ATF6: variants seen among roughly 807,000 people sequenced by gnomAD.
ATF6 encodes the protein activating transcription factor 6.
Under a neutral mutation model 83.6 loss-of-function variants are expected in ATF6, and 53 were observed. That is an observed-to-expected ratio of 0.63 (90% CI 0.51 to 0.80). The LOEUF (loss-of-function observed/expected upper bound fraction) is 0.80. Ranked by LOEUF, ATF6 falls within the 30% of genes least tolerant of loss-of-function variation. The pLI, the probability that ATF6 is intolerant of heterozygous loss-of-function variation, is 0.00. For missense variants in ATF6, 744 were observed against 797.9 expected (o/e 0.93, Z 0.81); for synonymous variants, 288 against 285.8 (o/e 1.01, Z -0.08).
chr1:161,853,543 G>A (rs1340007439), intron 12 of ATF6, among the ~76,000 whole-genome samples: 1 of 152,158 alleles, frequency 6.6e-6, no homozygotes, highest in African/African-American at 2.4e-5. Context: ...CCCTGATCAG[G>A]CATCGTGCTA....
intron 7 of ATF6, among the ~76,000 whole-genome samples, chr1:161,816,895 A>G (rs1164257008): frequency 6.6e-6 from 1 of 152,192 alleles, no homozygotes; most frequent in Non-Finnish European, 1.5e-5. Flanking sequence ...AATAATTTAA[A>G]TATTTTATAT....
At chr1:161,927,130 C>G (rs1298528040) in intron 15 of ATF6, among the ~76,000 whole-genome samples, 1 of 151,826 alleles carries the variant, frequency 6.6e-6, no homozygotes, top group African/African-American at 2.4e-5. Context: ...AAATCTTAGA[C>G]CCCAGAGAAA....
In ATF6 at chr1:161,903,607, T is replaced by A. The variant is rs570842252; in HGVS notation, c.1720-8689T>A. ...CCTCAAACTTTTTGGTCCCTTTTTT[T>A]AAAAAAAAAATTATTGAACACTTAT... On this transcript the variant is annotated intron_variant, in intron 14 of 15. Coordinates refer to ENST00000367942, the MANE Select transcript of ATF6 (RefSeq NM_007348.4). Among the ~76,000 whole-genome samples the A allele has an allele frequency of 2.5e-3, 377 of 150,878 alleles. 4 individuals are homozygous for A. Among genetic ancestry groups the A allele is most frequent in the African/African-American group, 8.6e-3 (355 of 41,218 alleles).
At chr1:161,881,220 G>T (rs138996610) in intron 14 of ATF6, among the ~76,000 whole-genome samples, 6 of 152,168 alleles carry the variant, frequency 3.9e-5, no homozygotes, top group South Asian at 2.1e-4. Context: ...GCATAGATTT[G>T]CTGGGTCTTC....
rs376258885 is a variant in ATF6 at position 161,815,635 on chromosome 1, T to C, written c.910-3998T>C. The stretch of plus-strand genomic sequence containing the variant: ...TTTATCAATCAATAAGGTTTTTAGT[T>C]TTAAAAACCTTATTGATTGATAATT... On this transcript the variant is annotated intron_variant, in intron 7 of 15. Coordinates refer to ENST00000367942, the MANE Select transcript of ATF6 (RefSeq NM_007348.4). Among the ~76,000 whole-genome samples the C allele has an allele frequency of 7.0e-4, 107 of 152,202 alleles. 6 individuals are homozygous for C. The South Asian group carries it at 0.022, about 31-fold the overall frequency.
chr1:161,813,627 T>C (rs1685529213), intron 7 of ATF6, among the ~76,000 whole-genome samples: 1 of 152,248 alleles, frequency 6.6e-6, no homozygotes, highest in Admixed American at 6.5e-5. Context: ...CTGTGGTGAT[T>C]TACTAAATTG....
At position 161,847,951 on chromosome 1, in the gene ATF6, A is replaced by G. The variant is rs887730239; in HGVS notation, c.1319+1371A>G. Among the ~76,000 whole-genome samples, 5 of 152,126 alleles carry G rather than the reference A, an allele frequency of 3.3e-5. No individual in the cohort carries two copies. The East Asian group carries it at 7.7e-4, about 23-fold the overall frequency. Reference sequence around the variant, plus strand: ...TAAGATAACATGGTGGCTCCCAGAAAGCATAGTAGTCTGATCATACTAGTT... The same window carrying G: ...TAAGATAACATGGTGGCTCCCAGAAGGCATAGTAGTCTGATCATACTAGTT... On this transcript the variant is annotated intron_variant, in intron 10 of 15. Coordinates refer to ENST00000367942, the MANE Select transcript of ATF6 (RefSeq NM_007348.4).
At chr1:161,943,466 A>G (rs191772327) in intron 15 of ATF6, among the ~76,000 whole-genome samples, 77 of 152,314 alleles carry the variant, frequency 5.1e-4, no homozygotes, top group East Asian at 1.7e-3. Flanking sequence ...GTATTTCTTC[A>G]TAGCAGTGTG....
intron 7 of ATF6, among the ~76,000 whole-genome samples, chr1:161,806,739 G>A (rs956848048): frequency 6.6e-6 from 1 of 152,012 alleles, no homozygotes; most frequent in Non-Finnish European, 1.5e-5. Context: ...CCCTGTCTTG[G>A]GTTCCTAGAG....
At chr1:161,819,909 T>C (rs1685710050) in intron 8 of ATF6, 91 bp downstream of exon 8, 2 of 1,195,568 alleles carry the variant, frequency 1.7e-6, no homozygotes, top group Non-Finnish European at 2.2e-6. Flanking sequence ...AATTAAATTA[T>C]GTAAAATAAT....
At chr1:161,897,565 G>A (rs1328604898) in intron 14 of ATF6, among the ~76,000 whole-genome samples, 2 of 152,184 alleles carry the variant, frequency 1.3e-5, no homozygotes, top group African/African-American at 2.4e-5. Flanking sequence ...AATAAAAGGG[G>A]AAAGAAGAGC....
intron 15 of ATF6, among the ~76,000 whole-genome samples, chr1:161,952,782 A>C (rs1483509273): frequency 6.6e-6 from 1 of 152,196 alleles, no homozygotes; most frequent in African/African-American, 2.4e-5. Context: ...GACTGATCCA[A>C]GTGTTCCTGG....
At chr1:161,900,755 GAC>G (rs1433344393) in intron 14 of ATF6, among the ~76,000 whole-genome samples, 1 of 152,054 alleles carries the variant, frequency 6.6e-6, no homozygotes, top group East Asian at 1.9e-4. Context: ...CATTAGCTGA[GAC>G]ATGTTCATTC....
Position 161,818,683 on chromosome 1 carries a change from A to G in ATF6, c.910-950A>G, listed in dbSNP as rs573212417. Among the ~76,000 whole-genome samples the G allele has an allele frequency of 1.2e-4, 18 of 152,358 alleles. No homozygotes were observed. In the East Asian group the frequency reaches 2.1e-3, roughly 18 times the overall value. On this transcript the variant is annotated intron_variant, in intron 7 of 15. Coordinates refer to ENST00000367942, the MANE Select transcript of ATF6 (RefSeq NM_007348.4). ...TGGAAATAAACAATGCGAATAAGGA[A>G]ACATGTTAGACATGTATGGAGATTA...
At chr1:161,778,751 A>G (rs536662839) in intron 2 of ATF6, among the ~76,000 whole-genome samples, 1 of 152,312 alleles carries the variant, frequency 6.6e-6, no homozygotes, top group South Asian at 2.1e-4. Flanking sequence ...TCATGTAGAA[A>G]GCTCTGAAAA....
At chr1:161,782,876 T>C (rs1684669390) in intron 3 of ATF6, among the ~76,000 whole-genome samples, 1 of 152,234 alleles carries the variant, frequency 6.6e-6, no homozygotes, top group South Asian at 2.1e-4. Flanking sequence ...GAATTTTGAC[T>C]GGGTGCTTAC....
At chr1:161,896,433 C>A (rs1295364648) in intron 14 of ATF6, among the ~76,000 whole-genome samples, 3 of 152,186 alleles carry the variant, frequency 2.0e-5, no homozygotes, top group Non-Finnish European at 4.4e-5. Flanking sequence ...ATATATTTTT[C>A]TTTGCTTGCT....
chr1:161,767,590 T>A (rs910693307), intron 1 of ATF6, among the ~76,000 whole-genome samples: 9 of 152,234 alleles, frequency 5.9e-5, no homozygotes, highest in Non-Finnish European at 1.2e-4. Context: ...AGGTACTGTT[T>A]ATTTTAGAGA....
intron 7 of ATF6, among the ~76,000 whole-genome samples, chr1:161,818,969 G>A (rs1371333128): frequency 6.6e-6 from 1 of 152,200 alleles, no homozygotes; most frequent in Non-Finnish European, 1.5e-5. Flanking sequence ...GTAGTATAGG[G>A]ATGAGTTAAT....
Sources: gnomAD v4.1 joint callset for allele counts (sites outside exome capture counted in the v4.1 genomes callset) on GRCh38, gnomAD v4.1.1 for gene constraint, MANE v1.5 for transcripts, NCBI Gene and HGNC (gene_info 2026-07-23, HGNC 2026-07-21) for gene names.